The following CAMK1D variants were observed in gnomAD, a reference collection of about 807,000 sequenced individuals.
CAMK1D encodes the protein calcium/calmodulin dependent protein kinase ID, also known as calcium/calmodulin-dependent protein kinase type 1D.
CAMK1D carries 9 observed loss-of-function variants against 47.7 expected under a neutral mutation model. The ratio of observed to expected loss-of-function variants is 0.19; its 90% CI spans 0.11 to 0.33. The LOEUF (loss-of-function observed/expected upper bound fraction) is 0.33, where lower values mean the gene tolerates loss of function less well. Among genes scored for constraint, CAMK1D ranks in the 10% least tolerant of loss-of-function variants. The pLI, the probability that CAMK1D is intolerant of heterozygous loss-of-function variation, is 1.00. For missense variants in CAMK1D, 291 were observed against 488.7 expected, an observed-to-expected ratio of 0.60 and a Z score of 3.81; for synonymous variants, 184 against 184.9, an observed-to-expected ratio of 0.99 and a Z score of 0.04.
At position 12,668,044 on chromosome 10, in the gene CAMK1D, T is replaced by C. The variant is rs186071708; in HGVS notation, c.299+1234T>C. Among the ~76,000 whole-genome samples, 115 of 152,334 alleles carry C rather than the reference T, an allele frequency of 7.5e-4. 2 individuals carry two copies. Among genetic ancestry groups the C allele is most frequent in the Non-Finnish European group, 1.1e-3 (72 of 68,034 alleles). On this transcript the variant is annotated intron_variant, in intron 3 of 10. Transcript: ENST00000619168. ...GCCATGGTATAAGTCAAAGAAGTTTTTTTACTTCTTGGTTACCATGTTAAC... is the reference window on the plus strand; with the variant it reads ...GCCATGGTATAAGTCAAAGAAGTTTCTTTACTTCTTGGTTACCATGTTAAC...
chr10:12,449,499 G>T (rs138057877), intron 1 of CAMK1D, among the ~76,000 whole-genome samples: 1 of 140,832 alleles, frequency 7.1e-6, no homozygotes, highest in African/African-American at 2.6e-5. Flanking sequence ...ATCATCACAC[G>T]CACACAAGGG....
In CAMK1D at chr10:12,749,017, C is replaced by T. The variant is rs551621146; in HGVS notation, c.300-11931C>T. ...TAACTAATGAGTGTTTCTACAATTA[C>T]TTTAATTAGTGATTGGTTTTTATAG... On this transcript the variant is annotated intron_variant, in intron 3 of 10. Transcript: ENST00000619168. 2.8e-4 allele frequency among the ~76,000 whole-genome samples: 42 copies of T among 152,164 alleles called. No individual in the cohort carries two copies. In the South Asian group the frequency reaches 3.5e-3, roughly 13 times the overall value.
intron 1 of CAMK1D, among the ~76,000 whole-genome samples, chr10:12,398,193 T>G (rs1225618279): frequency 1.3e-5 from 2 of 152,168 alleles, no homozygotes; most frequent in Admixed American, 6.5e-5. Flanking sequence ...CCACTGGAAT[T>G]TCTACCTCAT....
intron 1 of CAMK1D, among the ~76,000 whole-genome samples, chr10:12,550,768 A>G (rs1414056334): frequency 6.6e-6 from 1 of 152,112 alleles, no homozygotes; most frequent in East Asian, 1.9e-4. Context: ...TTCATCTGGG[A>G]TATTTTGTGG....
At chr10:12,717,430 C>T (rs774955921) in intron 3 of CAMK1D, among the ~76,000 whole-genome samples, 5 of 152,128 alleles carry the variant, frequency 3.3e-5, no homozygotes, top group East Asian at 1.9e-4. Context: ...GAAAAATAGG[C>T]GAAGTTATTG....
intron 3 of CAMK1D, chr10:12,760,649 G>A: frequency 4.1e-6 from 1 of 241,688 alleles, no homozygotes; most frequent in Non-Finnish European, 8.2e-6. Flanking sequence ...ATTCAGGAAG[G>A]GTTTTTTTAA....
intron 8 of CAMK1D, among the ~76,000 whole-genome samples, chr10:12,818,041 G>C (rs1644420): frequency 0.37 from 56,832 of 151,628 alleles, 11,162 homozygotes; most frequent in African/African-American, 0.47. Flanking sequence ...CAAATGCCAA[G>C]AGTCGTAAAA....
chr10:12,571,341 T>A (rs1184298084), intron 2 of CAMK1D, among the ~76,000 whole-genome samples: 1 of 145,400 alleles, frequency 6.9e-6, no homozygotes, highest in African/African-American at 2.6e-5. Flanking sequence ...CCCAGCTACT[T>A]GGGAGGCTGA....
intron 5 of CAMK1D, among the ~76,000 whole-genome samples, chr10:12,778,131 G>C (rs970690182): frequency 4.6e-5 from 7 of 152,296 alleles, no homozygotes; most frequent in Admixed American, 2.6e-4. Context: ...ACTTTTGATA[G>C]GTCGAAGTGT....
chr10:12,778,884 G>A (rs1357986687), intron 5 of CAMK1D, among the ~76,000 whole-genome samples: 5 of 151,978 alleles, frequency 3.3e-5, no homozygotes, highest in East Asian at 1.9e-4. Context: ...AAAAAAATAC[G>A]GGAATGAGAG....
intron 2 of CAMK1D, among the ~76,000 whole-genome samples, chr10:12,616,509 TTTG>T (rs71762629): frequency 0.76 from 114,635 of 151,198 alleles, 45,986 homozygotes; most frequent in Non-Finnish European, 0.89. Context: ...TTGTTTGTTT[TTTG>T]TTGTTGTTGT....
In CAMK1D at chr10:12,494,982, C is replaced by T. The variant is rs189988857; in HGVS notation, c.93-58243C>T. Reference sequence around the variant, plus strand: ...TGATACAGCTGATTCTAAACGAGATCACTGCGGTCAGAGAGGCTCAGACAT... The same window carrying T: ...TGATACAGCTGATTCTAAACGAGATTACTGCGGTCAGAGAGGCTCAGACAT... On this transcript the variant is annotated intron_variant, in intron 1 of 10. Transcript: ENST00000619168. Among the ~76,000 whole-genome samples the T allele has an allele frequency of 4.3e-3, 653 of 152,282 alleles. 5 individuals are homozygous for T. The highest frequency in any genetic ancestry group is 7.3e-3 in the Non-Finnish European group (499 of 68,026).
intron 3 of CAMK1D, among the ~76,000 whole-genome samples, chr10:12,746,633 C>G (rs1835693462): frequency 6.6e-6 from 1 of 152,124 alleles, no homozygotes. Flanking sequence ...TTTCTCTTTC[C>G]ACATTATTTT....
intron 1 of CAMK1D, among the ~76,000 whole-genome samples, chr10:12,513,651 A>G (rs560788340): frequency 2.6e-5 from 4 of 152,232 alleles, no homozygotes; most frequent in Admixed American, 6.5e-5. Flanking sequence ...AAATTAAAAA[A>G]TGAGCCAGGT....
rs148909351 is a variant in CAMK1D, at chr10:12,809,007, C to T, written c.642-5188C>T. ...TGGTGTGCACCTGTAATCCCAGGTG[C>T]GCAGGAGGCTGAGGCAGGAGAATTA... On this transcript the variant is annotated intron_variant, in intron 6 of 10. Coordinates refer to ENST00000619168, the MANE Select transcript of CAMK1D (RefSeq NM_153498.4). 9.2e-5 allele frequency among the ~76,000 whole-genome samples: 14 copies of T among 151,710 alleles called. No homozygotes were observed. The East Asian group carries it at 2.3e-3, about 25-fold the overall frequency.
chr10:12,447,549 G>A (rs551676973), intron 1 of CAMK1D, among the ~76,000 whole-genome samples: 1 of 152,276 alleles, frequency 6.6e-6, no homozygotes, highest in East Asian at 1.9e-4. Context: ...AAAAAATTAA[G>A]AAATTAGCTG....
chr10:12,570,551 G>C (rs529560624), intron 2 of CAMK1D, among the ~76,000 whole-genome samples: 12 of 151,666 alleles, frequency 7.9e-5, no homozygotes, highest in Non-Finnish European at 1.8e-4. Context: ...GTGGTGGTGT[G>C]CACCTGTAAT....
chr10:12,736,860 C>G (rs988736600), intron 3 of CAMK1D, among the ~76,000 whole-genome samples: 1 of 152,162 alleles, frequency 6.6e-6, no homozygotes, highest in African/African-American at 2.4e-5. Context: ...ACAAATAGCC[C>G]CTGCGTTTCT....
intron 3 of CAMK1D, 62 bp from the exon 4 acceptor site, chr10:12,760,886 G>T: frequency 6.4e-7 from 1 of 1,556,818 alleles, no homozygotes. Context: ...TTTCACATTG[G>T]AAGCTTTCCC....
Sources: gnomAD v4.1 joint callset for allele counts (sites outside exome capture counted in the v4.1 genomes callset) on GRCh38, gnomAD v4.1.1 for gene constraint, MANE v1.5 for transcripts, NCBI Gene and HGNC (gene_info 2026-07-23, HGNC 2026-07-21) for gene names.